Variants in PLPP4 observed in about 807,000 individuals in gnomAD.
PLPP4 encodes the protein diacylglycerol pyrophosphate like 2.
Under a neutral mutation model 32.2 loss-of-function variants are expected in PLPP4, and 20 were observed. The ratio of observed to expected loss-of-function variants is 0.62; its 90% CI spans 0.44 to 0.90. The LOEUF (loss-of-function observed/expected upper bound fraction) is 0.90. PLPP4 is among the 40% of genes least tolerant of loss of function. The probability of loss-of-function intolerance (pLI) is 0.00; values close to 1 mark genes in which losing one functional copy is unlikely to be tolerated. For missense variants in PLPP4, 257 were observed against 353.1 expected, an observed-to-expected ratio of 0.73 and a Z score of 2.18; for synonymous variants, 127 against 133.0, an observed-to-expected ratio of 0.95 and a Z score of 0.31.
intron 2 of PLPP4, among the ~76,000 whole-genome samples, chr10:120,511,724 C>G (rs1845734627): frequency 6.6e-6 from 1 of 152,172 alleles, no homozygotes; most frequent in South Asian, 2.1e-4. Context: ...TCTTTAAGCA[C>G]TAAATGCATG....
intron 1 of PLPP4, among the ~76,000 whole-genome samples, chr10:120,473,626 A>C (rs1245467257): frequency 6.6e-6 from 1 of 152,114 alleles, no homozygotes; most frequent in Non-Finnish European, 1.5e-5. Context: ...CCCAAATCTC[A>C]TGTTGAATTG....
intron 1 of PLPP4, among the ~76,000 whole-genome samples, chr10:120,490,601 A>G (rs1844675148): frequency 2.0e-5 from 3 of 152,172 alleles, no homozygotes; most frequent in Non-Finnish European, 1.5e-5. Flanking sequence ...TGGCTGTTTC[A>G]TCTTACACAT....
intron 5 of PLPP4, among the ~76,000 whole-genome samples, chr10:120,534,495 G>C (rs1589835339): frequency 6.6e-6 from 1 of 151,846 alleles, no homozygotes; most frequent in African/African-American, 2.4e-5. Flanking sequence ...ATCGAATTTA[G>C]GATGTTTTCA....
At chr10:120,529,406 A>G in intron 5 of PLPP4, among the ~76,000 whole-genome samples, 1 of 152,060 alleles carries the variant, frequency 6.6e-6, no homozygotes, top group Non-Finnish European at 1.5e-5. Context: ...AAATTCGTCC[A>G]CTCTCCAAGT....
chr10:120,549,662 T>A (rs1163698025), intron 5 of PLPP4, among the ~76,000 whole-genome samples: 1 of 151,976 alleles, frequency 6.6e-6, no homozygotes, highest in East Asian at 1.9e-4. Flanking sequence ...AAAAAAGAAT[T>A]TGAACTAATT....
chr10:120,543,354 C>T (rs546459702), intron 5 of PLPP4, among the ~76,000 whole-genome samples: 80 of 152,298 alleles, frequency 5.3e-4, no homozygotes, highest in African/African-American at 1.8e-3. Context: ...CTCAGGGTTC[C>T]CTGCTGTTAT....
chr10:120,569,549 T>C (rs979982855), intron 5 of PLPP4, among the ~76,000 whole-genome samples: 1 of 152,172 alleles, frequency 6.6e-6, no homozygotes, highest in African/African-American at 2.4e-5. Flanking sequence ...AGTTTTGGAG[T>C]TCCTTTTCCT....
chr10:120,535,140 C>T (rs1256957626), intron 5 of PLPP4, among the ~76,000 whole-genome samples: 1 of 152,112 alleles, frequency 6.6e-6, no homozygotes, highest in East Asian at 1.9e-4. Flanking sequence ...ATTATTTTAG[C>T]GAAGTCTATT....
intron 1 of PLPP4, among the ~76,000 whole-genome samples, chr10:120,496,803 G>A (rs1589765259): frequency 6.6e-6 from 1 of 152,036 alleles, no homozygotes; most frequent in Non-Finnish European, 1.5e-5. Flanking sequence ...ACATATCCTG[G>A]GGTCTTTAAG....
At chr10:120,482,150 T>G (rs1430954360) in intron 1 of PLPP4, among the ~76,000 whole-genome samples, 1 of 152,196 alleles carries the variant, frequency 6.6e-6, no homozygotes, top group East Asian at 1.9e-4. Flanking sequence ...AGTGAGGTGC[T>G]GCTGAAAAGA....
chr10:120,457,826 G>A (rs1847860795), intron 1 of PLPP4, among the ~76,000 whole-genome samples: 1 of 152,182 alleles, frequency 6.6e-6, no homozygotes, highest in African/African-American at 2.4e-5. Context: ...TTTAGCGCCC[G>A]CGGTCCTGGC....
At position 120,457,261 on chromosome 10, in the gene PLPP4, G is replaced by C; in HGVS notation, c.-45G>C. The C allele has an allele frequency of 7.0e-7, 1 of 1,426,050 alleles. No homozygotes were observed. The highest frequency in any genetic ancestry group is 9.3e-7 in the Non-Finnish European group (1 of 1,077,202). 88.3% of individuals were successfully genotyped at this position (1,426,050 alleles called of 1,614,324 possible). A position where few individuals can be genotyped will look rare whatever the true frequency, so the allele number is the denominator to read the frequency against. On this transcript the variant is annotated 5_prime_UTR_variant, in exon 1 of 7. Coordinates refer to ENST00000398250, the MANE Select transcript of PLPP4 (RefSeq NM_001030059.3). ...CGGCGCCGGCCGAGCTGCGGGAGCCGCGGAGAGCACCAGCTGACGCCGCGG... is the reference window on the plus strand; with the variant it reads ...CGGCGCCGGCCGAGCTGCGGGAGCCCCGGAGAGCACCAGCTGACGCCGCGG...
At position 120,572,976 on chromosome 10, in the gene PLPP4, C is replaced by T. The variant is rs75698121; in HGVS notation, c.446-2155C>T. Among the ~76,000 whole-genome samples, 1,257 of 152,258 alleles carry T rather than the reference C, an allele frequency of 8.3e-3. 23 individuals are homozygous for T. The highest frequency in any genetic ancestry group is 0.029 in the African/African-American group (1,203 of 41,542). On this transcript the variant is annotated intron_variant, in intron 5 of 6. Transcript: ENST00000398250. ...GCAGAATACTTAATATCTATTGGCA[C>T]GGCTCTGATGTTATTCATCAGACCT... is the stretch of plus-strand genomic sequence containing the variant.
chr10:120,576,313 C>T (rs1849221775), intron 6 of PLPP4, among the ~76,000 whole-genome samples: 1 of 152,318 alleles, frequency 6.6e-6, no homozygotes, highest in East Asian at 1.9e-4. Flanking sequence ...TGTTTTCCGA[C>T]TGTTGCTGGG....
intron 1 of PLPP4, among the ~76,000 whole-genome samples, chr10:120,470,125 C>T (rs113057359): frequency 2.6e-5 from 4 of 152,240 alleles, no homozygotes; most frequent in African/African-American, 9.6e-5. Flanking sequence ...GCATCCTTGC[C>T]GATGTTGGAT....
chr10:120,528,434 C>A (rs1846532002), intron 5 of PLPP4, among the ~76,000 whole-genome samples: 1 of 152,106 alleles, frequency 6.6e-6, no homozygotes, highest in African/African-American at 2.4e-5. Context: ...GTCATTTGTT[C>A]CAACAGGACA....
chr10:120,562,456 C>A (rs1848480003), intron 5 of PLPP4, among the ~76,000 whole-genome samples: 1 of 152,100 alleles, frequency 6.6e-6, no homozygotes, highest in Non-Finnish European at 1.5e-5. Context: ...CTAACTAGGG[C>A]TTCTTGTGCA....
rs752271965 is a variant in PLPP4, at chr10:120,575,283, T to C, written c.598T>C (p.Tyr200His). 8.7e-6 allele frequency: 14 copies of C among 1,613,752 alleles called. No homozygotes were observed. Among genetic ancestry groups the C allele is most frequent in the Non-Finnish European group, 1.2e-5 (14 of 1,179,846 alleles). ...GATTGCCCTGTCCCGCATGTGCGAC[T>C]ACAAGCATCACTGGCAAGGTGAGTC... The part of the protein sequence containing the change: ...MMIALSRMCD[Y>H]KHHWQDSFVG... Residue 200 changes from tyrosine to histidine, a missense_variant, in exon 6 of 7, where the codon TAC becomes CAC. By Grantham distance (83) the Tyr-to-His change is moderately conservative. Transcript: ENST00000398250.
At chr10:120,575,021 A>G (rs1213878728) in intron 5 of PLPP4, 110 bp from the exon 6 acceptor site, 6 of 1,132,592 alleles carry the variant, frequency 5.3e-6, no homozygotes, top group African/African-American at 1.6e-5. Flanking sequence ...TGGTGCCAAC[A>G]TGGCCTTGGC....
Sources: gnomAD v4.1 joint callset for allele counts (sites outside exome capture counted in the v4.1 genomes callset) on GRCh38, gnomAD v4.1.1 for gene constraint, MANE v1.5 for transcripts, NCBI Gene and HGNC (gene_info 2026-07-23, HGNC 2026-07-21) for gene names.